RARB: variants seen among roughly 807,000 people sequenced by gnomAD.
The protein encoded by RARB is retinoic acid receptor beta.
In RARB, 17 loss-of-function variants were observed where a neutral mutation model predicts 51.9. The observed-to-expected ratio is 0.33, with a 90% CI of 0.22 to 0.49. RARB has a LOEUF of 0.49. Ranked by LOEUF, RARB falls within the 20% of genes least tolerant of loss-of-function variation. RARB has a pLI of 0.99. For synonymous variants in RARB, 215 were observed against 195.4 expected, an observed-to-expected ratio of 1.10 and a Z score of -0.84; for missense variants, 369 against 550.8, an observed-to-expected ratio of 0.67 and a Z score of 3.30.
intron 5 of RARB, among the ~76,000 whole-genome samples, chr3:25,405,398 G>A (rs1707378919): frequency 6.6e-6 from 1 of 152,148 alleles, no homozygotes; most frequent in Non-Finnish European, 1.5e-5. Context: ...CAAAATGACA[G>A]CCATGAATAT....
At chr3:25,447,186 A>G (rs1559407072) in intron 1 of RARB, among the ~76,000 whole-genome samples, 1 of 152,160 alleles carries the variant, frequency 6.6e-6, no homozygotes, top group Non-Finnish European at 1.5e-5. Context: ...TTCACATCAC[A>G]TGTAAGGATT....
chr3:25,010,284 C>G (rs1697366203), intron 2 of RARB, among the ~76,000 whole-genome samples: 1 of 151,992 alleles, frequency 6.6e-6, no homozygotes, highest in South Asian at 2.1e-4. Context: ...ATTCCGTTCT[C>G]TGTAATGTTT....
At chr3:24,967,145 C>T (rs1696293366) in intron 2 of RARB, among the ~76,000 whole-genome samples, 1 of 152,056 alleles carries the variant, frequency 6.6e-6, no homozygotes, top group South Asian at 2.1e-4. Flanking sequence ...CAACTCTCGG[C>T]CCGTGGGCTT....
At chr3:25,468,891 A>T (rs1057331864) in intron 2 of RARB, among the ~76,000 whole-genome samples, 2 of 152,164 alleles carry the variant, frequency 1.3e-5, no homozygotes, top group Admixed American at 6.5e-5. Flanking sequence ...CCCTAAGCCA[A>T]CCTTTGGGGG....
chr3:25,024,636 T>A (rs746923000), intron 2 of RARB, among the ~76,000 whole-genome samples: 8 of 152,070 alleles, frequency 5.3e-5, no homozygotes, highest in Non-Finnish European at 1.2e-4. Flanking sequence ...TTTTTTCAGC[T>A]GCAACAAGAT....
At chr3:25,302,214 T>C (rs1704057295) in intron 5 of RARB, among the ~76,000 whole-genome samples, 1 of 152,198 alleles carries the variant, frequency 6.6e-6, no homozygotes, top group South Asian at 2.1e-4. Context: ...TGGAAAACAG[T>C]CTGGCATTTC....
At chr3:25,265,344 A>G (rs896550173) in intron 5 of RARB, among the ~76,000 whole-genome samples, 8 of 152,218 alleles carry the variant, frequency 5.3e-5, no homozygotes, top group African/African-American at 1.9e-4. Flanking sequence ...GATGTTGATA[A>G]ATACATACAT....
intron 3 of RARB, among the ~76,000 whole-genome samples, chr3:25,079,811 G>A (rs867555044): frequency 3.3e-5 from 5 of 152,166 alleles, no homozygotes; most frequent in Non-Finnish European, 5.9e-5. Context: ...CTATATTCAT[G>A]AGGGATGTTA....
At chr3:25,245,198 C>T (rs1326124533) in intron 5 of RARB, among the ~76,000 whole-genome samples, 1 of 152,064 alleles carries the variant, frequency 6.6e-6, no homozygotes, top group African/African-American at 2.4e-5. Context: ...CTATGAGTAT[C>T]TTTAAGTGTG....
At chr3:25,580,449 G>T in intron 4 of RARB, 97 bp from the exon 5 acceptor site, 1 of 1,211,062 alleles carries the variant, frequency 8.3e-7, no homozygotes, top group Non-Finnish European at 1.1e-6. Flanking sequence ...GCTCAAGGCT[G>T]ACATGTCACC....
At chr3:25,116,302 G>T (rs1270030364) in intron 3 of RARB, among the ~76,000 whole-genome samples, 1 of 152,074 alleles carries the variant, frequency 6.6e-6, no homozygotes, top group Non-Finnish European at 1.5e-5. Context: ...GCAACCTTGA[G>T]TTTAAAATGT....
At chr3:25,430,987 A>G (rs2125515740) in intron 1 of RARB, among the ~76,000 whole-genome samples, 1 of 137,376 alleles carries the variant, frequency 7.3e-6, no homozygotes, top group Non-Finnish European at 1.6e-5. Flanking sequence ...TAAAACTAAA[A>G]CTTTTTTTTT....
chr3:25,168,728 TG>T (rs1324004479), intron 4 of RARB, among the ~76,000 whole-genome samples: 1 of 151,996 alleles, frequency 6.6e-6, no homozygotes, highest in Non-Finnish European at 1.5e-5. Flanking sequence ...GAAGCGGAAA[TG>T]GAGAGAAAAT....
At chr3:25,437,727 G>C (rs74934780) in intron 1 of RARB, among the ~76,000 whole-genome samples, 30,483 of 152,008 alleles carry the variant, frequency 0.2, 3,168 homozygotes, top group East Asian at 0.31. Context: ...CTGTGTGCAG[G>C]CCTCATAGAT....
intron 5 of RARB, among the ~76,000 whole-genome samples, chr3:25,381,118 C>G (rs1172634060): frequency 3.9e-5 from 6 of 152,096 alleles, no homozygotes; most frequent in Admixed American, 3.3e-4. Context: ...AGGATACTCC[C>G]AAAATGACAG....
chr3:25,249,749 C>T (rs1702661297), intron 5 of RARB, among the ~76,000 whole-genome samples: 1 of 95,260 alleles, frequency 1.0e-5, no homozygotes, highest in African/African-American at 5.6e-5. Context: ...TTCTTAGTTA[C>T]ATAGGGTATG....
intron 5 of RARB, among the ~76,000 whole-genome samples, chr3:25,294,153 A>G (rs1433493563): frequency 6.6e-6 from 1 of 152,232 alleles, no homozygotes; most frequent in East Asian, 1.9e-4. Context: ...AAGGATCAGC[A>G]TAATCAAAAA....
chr3:25,244,597 T>A (rs1702511716), intron 5 of RARB, among the ~76,000 whole-genome samples: 1 of 152,212 alleles, frequency 6.6e-6, no homozygotes, highest in Non-Finnish European at 1.5e-5. Context: ...AGCAGGTTGT[T>A]CAGTTTTCAT....
intron 2 of RARB, among the ~76,000 whole-genome samples, chr3:24,996,989 G>A (rs1462165451): frequency 3.3e-5 from 5 of 152,110 alleles, no homozygotes; most frequent in Non-Finnish European, 7.4e-5. Flanking sequence ...CTATAATATA[G>A]TTTAAATCCA....
Sources: gnomAD v4.1 joint callset for allele counts (sites outside exome capture counted in the v4.1 genomes callset) on GRCh38, gnomAD v4.1.1 for gene constraint, MANE v1.5 for transcripts, NCBI Gene and HGNC (gene_info 2026-07-23, HGNC 2026-07-21) for gene names.